PCDH9: variants seen among roughly 807,000 people sequenced by gnomAD.
PCDH9 encodes the protein protocadherin 9.
A neutral mutation model predicts 70.6 loss-of-function variants in PCDH9; 24 were observed. The ratio of observed to expected loss-of-function variants is 0.34; its 90% confidence interval spans 0.25 to 0.48. The LOEUF (loss-of-function observed/expected upper bound fraction) is 0.48. PCDH9 is among the 20% of genes least tolerant of loss of function. The pLI is 0.99. For synonymous variants in PCDH9, 562 were observed against 558.5 expected (o/e 1.01, Z -0.09); for missense variants, 1,281 against 1,503.6 (o/e 0.85, Z 2.45).
At chr13:66,345,273 G>T (rs1012398548) in intron 4 of PCDH9, among the ~76,000 whole-genome samples, 1 of 152,128 alleles carries the variant, frequency 6.6e-6, no homozygotes, top group Non-Finnish European at 1.5e-5. Flanking sequence ...GCTGGGATTT[G>T]GTTGTGCTCC....
intron 3 of PCDH9, among the ~76,000 whole-genome samples, chr13:66,778,849 C>G (rs568502164): frequency 6.6e-6 from 1 of 152,192 alleles, no homozygotes; most frequent in East Asian, 1.9e-4. Context: ...ATGAGCAGCC[C>G]CATGGTTCTT....
At chr13:66,649,324 AG>A in intron 3 of PCDH9, among the ~76,000 whole-genome samples, 1 of 152,140 alleles carries the variant, frequency 6.6e-6, no homozygotes. Context: ...AGAAAAGAAA[AG>A]TATGAGACAA....
chr13:66,453,955 T>C (rs1958265560), intron 4 of PCDH9, among the ~76,000 whole-genome samples: 1 of 152,114 alleles, frequency 6.6e-6, no homozygotes, highest in South Asian at 2.1e-4. Context: ...ATGATATTTG[T>C]CTTAGGAATA....
intron 4 of PCDH9, among the ~76,000 whole-genome samples, chr13:66,453,638 T>A (rs1469940391): frequency 6.6e-6 from 1 of 152,112 alleles, no homozygotes; most frequent in Non-Finnish European, 1.5e-5. Context: ...TGGACACCCA[T>A]GGGGACGTCT....
At chr13:66,896,467 C>T (rs968239776) in intron 3 of PCDH9, among the ~76,000 whole-genome samples, 1 of 151,868 alleles carries the variant, frequency 6.6e-6, no homozygotes, top group South Asian at 2.1e-4. Context: ...TAATAAGAGG[C>T]TATTATATGT....
chr13:66,599,162 GTTA>G (rs1191838720), intron 4 of PCDH9, among the ~76,000 whole-genome samples: 3 of 151,524 alleles, frequency 2.0e-5, no homozygotes, highest in Admixed American at 6.6e-5. Flanking sequence ...TTCATTTAGT[GTTA>G]TTTTTACTAA....
intron 2 of PCDH9, among the ~76,000 whole-genome samples, chr13:67,194,922 C>T (rs945923957): frequency 1.3e-5 from 2 of 151,922 alleles, no homozygotes; most frequent in African/African-American, 2.4e-5. Context: ...AAATATGAGA[C>T]CGTTTATCAA....
At chr13:66,545,955 C>T (rs559651741) in intron 4 of PCDH9, among the ~76,000 whole-genome samples, 88 of 151,774 alleles carry the variant, frequency 5.8e-4, no homozygotes, top group African/African-American at 2.0e-3. Context: ...TCTGCCTCAG[C>T]CTCCTGAGTA....
chr13:66,494,935 A>G lies in PCDH9; in HGVS notation c.3340+136275T>C, dbSNP rs1283229547. Among the ~76,000 whole-genome samples, 4 of 152,238 alleles carry G rather than the reference A, an allele frequency of 2.6e-5. No homozygotes were observed. The East Asian group carries it at 7.7e-4, about 29-fold the overall frequency. ...TTGTCACAATTTGAATATAAATGAC[A>G]GTAAATAATTACTAATTTTATTAAG... is the stretch of plus-strand genomic sequence containing the variant. On this transcript the variant is annotated intron_variant, in intron 4 of 4. Coordinates refer to ENST00000377865, the MANE Select transcript of PCDH9 (RefSeq NM_203487.3).
chr13:66,760,131 G>A (rs1032195276), intron 3 of PCDH9, among the ~76,000 whole-genome samples: 24 of 151,942 alleles, frequency 1.6e-4, no homozygotes, highest in East Asian at 3.9e-4. Context: ...TTTGGTTGCC[G>A]GTCATTTTTT....
chr13:67,054,458 T>C (rs2085380294), intron 2 of PCDH9, among the ~76,000 whole-genome samples: 1 of 152,162 alleles, frequency 6.6e-6, no homozygotes, highest in African/African-American at 2.4e-5. Context: ...ACTTTACTTT[T>C]GTTTGAAAAT....
chr13:66,332,457 C>T (rs1593811941), intron 4 of PCDH9, among the ~76,000 whole-genome samples: 1 of 152,060 alleles, frequency 6.6e-6, no homozygotes, highest in African/African-American at 2.4e-5. Flanking sequence ...TTTCACTGAC[C>T]TATTACTTTT....
intron 2 of PCDH9, among the ~76,000 whole-genome samples, chr13:67,136,924 C>T (rs1455897338): frequency 2.0e-5 from 3 of 151,900 alleles, no homozygotes; most frequent in East Asian, 1.9e-4. Context: ...CTGCATTTTA[C>T]ACAACGTGTT....
intron 3 of PCDH9, among the ~76,000 whole-genome samples, chr13:66,902,438 T>G (rs2082290952): frequency 6.6e-6 from 1 of 151,688 alleles, no homozygotes. Context: ...GTGGGATTTT[T>G]GAAAATAATA....
intron 4 of PCDH9, among the ~76,000 whole-genome samples, chr13:66,357,774 A>C (rs1433445233): frequency 1.3e-5 from 2 of 152,018 alleles, no homozygotes; most frequent in Non-Finnish European, 2.9e-5. Flanking sequence ...GTGCTCTCAC[A>C]ATAAGTTCTC....
At chr13:66,995,214 G>A (rs1437267455) in intron 2 of PCDH9, among the ~76,000 whole-genome samples, 1 of 152,166 alleles carries the variant, frequency 6.6e-6, no homozygotes, top group Non-Finnish European at 1.5e-5. Context: ...CTGATTAAAT[G>A]AGCTGGCACT....
At chr13:66,459,050 C>T (rs572649170) in intron 4 of PCDH9, among the ~76,000 whole-genome samples, 7 of 151,850 alleles carry the variant, frequency 4.6e-5, no homozygotes, top group East Asian at 1.9e-4. Context: ...CCAGAAGGAC[C>T]AAAATATGCT....
At chr13:67,038,860 A>C (rs2085058251) in intron 2 of PCDH9, among the ~76,000 whole-genome samples, 1 of 152,140 alleles carries the variant, frequency 6.6e-6, no homozygotes, top group Non-Finnish European at 1.5e-5. Flanking sequence ...TTTTGTGAGT[A>C]ATAGAAGAGT....
intron 2 of PCDH9, among the ~76,000 whole-genome samples, chr13:66,926,342 T>G (rs1464804000): frequency 6.6e-6 from 1 of 151,958 alleles, no homozygotes; most frequent in Non-Finnish European, 1.5e-5. Flanking sequence ...CAGCACCTTA[T>G]TCACTACCCA....
Sources: gnomAD v4.1 joint callset for allele counts (sites outside exome capture counted in the v4.1 genomes callset) on GRCh38, gnomAD v4.1.1 for gene constraint, MANE v1.5 for transcripts, NCBI Gene and HGNC (gene_info 2026-07-23, HGNC 2026-07-21) for gene names.